SMYD3: variants seen among roughly 807,000 people sequenced by gnomAD.
SMYD3 encodes histone-lysine N-methyltransferase SMYD3.
Under a neutral mutation model 57.7 loss-of-function variants are expected in SMYD3, and 36 were observed. The observed-to-expected ratio is 0.62, with a 90% CI of 0.48 to 0.82. SMYD3 has a LOEUF of 0.82. SMYD3 is among the 40% of genes least tolerant of loss of function. The probability of loss-of-function intolerance (pLI) is 0.00; values close to 1 mark genes in which losing one functional copy is unlikely to be tolerated. For missense variants in SMYD3, 515 were observed against 538.8 expected (o/e 0.96, Z 0.44); for synonymous variants, 211 against 195.0 (o/e 1.08, Z -0.68).
At chr1:245,846,307 G>A (rs2050661299) in intron 10 of SMYD3, among the ~76,000 whole-genome samples, 1 of 152,236 alleles carries the variant, frequency 6.6e-6, no homozygotes, top group African/African-American at 2.4e-5. Context: ...TGTGCAGTGT[G>A]TAGGCAACAG....
chr1:245,860,100 G>A (rs1431876539), intron 9 of SMYD3, among the ~76,000 whole-genome samples: 1 of 152,086 alleles, frequency 6.6e-6, no homozygotes, highest in African/African-American at 2.4e-5. Flanking sequence ...CTCTGAGCCT[G>A]ACTGGGCTTA....
At chr1:246,040,306 GCA>G (rs2059846239) in intron 5 of SMYD3, among the ~76,000 whole-genome samples, 1 of 152,146 alleles carries the variant, frequency 6.6e-6, no homozygotes, top group East Asian at 1.9e-4. Context: ...AAGCTTCCTG[GCA>G]CAGACACCCC....
rs913977648 is a variant in SMYD3 at position 246,165,698 on chromosome 1, G to A, written c.531+161503C>T. ...TTTTAAGGTGAGCTTAGATGCAAAT[G>A]GTAAAAGTGAATAAAGGTCGGGGAG... On this transcript the variant is annotated intron_variant, in intron 5 of 11. Coordinates refer to ENST00000490107, the MANE Select transcript of SMYD3 (RefSeq NM_001167740.2). 1.6e-4 allele frequency among the ~76,000 whole-genome samples: 25 copies of A among 152,088 alleles called. 1 individual carries two copies. The highest frequency in any genetic ancestry group is 5.6e-4 in the African/African-American group (23 of 41,414).
intron 5 of SMYD3, among the ~76,000 whole-genome samples, chr1:246,255,939 T>C (rs572952176): frequency 0.022 from 2,891 of 133,516 alleles, 69 homozygotes; most frequent in Non-Finnish European, 0.033. Flanking sequence ...GATAGATAGA[T>C]AGATAGATAG....
At chr1:245,869,816 T>C (rs1175275129) in intron 8 of SMYD3, among the ~76,000 whole-genome samples, 1 of 152,232 alleles carries the variant, frequency 6.6e-6, no homozygotes, top group South Asian at 2.1e-4. Flanking sequence ...TGTTTTCTGC[T>C]GTTTCCTCGG....
At chr1:246,086,248 G>T (rs1028729034) in intron 5 of SMYD3, among the ~76,000 whole-genome samples, 3 of 151,936 alleles carry the variant, frequency 2.0e-5, no homozygotes, top group East Asian at 3.9e-4. Flanking sequence ...TTTTGTCAGC[G>T]AACTGCTACT....
intron 4 of SMYD3, among the ~76,000 whole-genome samples, chr1:246,329,934 G>A (rs560305529): frequency 1.3e-5 from 2 of 152,172 alleles, no homozygotes; most frequent in East Asian, 1.9e-4. Context: ...AAATCAAAAC[G>A]AAACCTACCT....
intron 5 of SMYD3, among the ~76,000 whole-genome samples, chr1:246,171,780 G>A (rs2062338436): frequency 1.3e-5 from 2 of 152,248 alleles, no homozygotes; most frequent in Non-Finnish European, 2.9e-5. Flanking sequence ...GGAGGCCAAG[G>A]TGGGGGAATT....
At chr1:245,941,858 A>G (rs1426422424) in intron 5 of SMYD3, among the ~76,000 whole-genome samples, 1 of 152,142 alleles carries the variant, frequency 6.6e-6, no homozygotes, top group Non-Finnish European at 1.5e-5. Context: ...CCAACCCAGA[A>G]TTTCATAACT....
At chr1:245,866,667 G>C (rs1042950815) in intron 8 of SMYD3, among the ~76,000 whole-genome samples, 1 of 152,166 alleles carries the variant, frequency 6.6e-6, no homozygotes, top group Admixed American at 6.5e-5. Context: ...GGGAGGCAGA[G>C]GTTGCAGTGA....
intron 5 of SMYD3, among the ~76,000 whole-genome samples, chr1:246,226,787 T>C (rs897152085): frequency 6.6e-6 from 1 of 152,216 alleles, no homozygotes; most frequent in South Asian, 2.1e-4. Flanking sequence ...AAAGTGGAGA[T>C]ATGCAAGTAC....
At chr1:246,118,198 T>C (rs2061371528) in intron 5 of SMYD3, among the ~76,000 whole-genome samples, 1 of 152,196 alleles carries the variant, frequency 6.6e-6, no homozygotes, top group South Asian at 2.1e-4. Flanking sequence ...AGCTGACTTT[T>C]AGTTTATTTT....
Position 245,749,465 on chromosome 1 carries a change from A to G in SMYD3, c.*98T>C, listed in dbSNP as rs2147993538. ...ACACAAACACGGAACAGAATTTCCAATAGGAGAGGTTCACACAGCTAACAA... is the reference window on the plus strand; with the variant it reads ...ACACAAACACGGAACAGAATTTCCAGTAGGAGAGGTTCACACAGCTAACAA... On this transcript the variant is annotated 3_prime_UTR_variant, in exon 12 of 12. Transcript: ENST00000490107. The G allele has an allele frequency of 2.3e-6, 2 of 885,652 alleles. No homozygotes were observed. The highest frequency in any genetic ancestry group is 4.4e-5 in the Admixed American group (2 of 45,678). The allele number at this position is 885,652 out of a possible 1,614,324, so 54.9% of individuals were successfully genotyped here. A position where few individuals can be genotyped will look rare whatever the true frequency, so the allele number is the denominator to read the frequency against.
rs1458093330 is a variant in SMYD3, at chr1:246,202,877, A to C, written c.531+124324T>G. 6.6e-6 allele frequency among the ~76,000 whole-genome samples: 1 copy of C among 152,180 alleles called. No individual in the cohort carries two copies. Among genetic ancestry groups the C allele is most frequent in the Non-Finnish European group, 1.5e-5 (1 of 68,026 alleles). On this transcript the variant is annotated intron_variant, in intron 5 of 11. Coordinates refer to ENST00000490107, the MANE Select transcript of SMYD3 (RefSeq NM_001167740.2). This position sits in a 1 kb window ranked among gnomAD's most constrained non-coding sequence, Gnocchi z 4.1. ...GTGAGGTGGCTCACGCTTTAATCCC[A>C]GCACTTTGGGAGGCCAAGATAGTGG...
At position 246,415,336 on chromosome 1, in the gene SMYD3, C is replaced by T. The variant is rs950798694; in HGVS notation, c.165-60242G>A. Reference sequence around the variant, plus strand: ...AAGGCAAGTGTTGTGGGCTCACCCCCCACTTCTAATATAACAGCAATAATA... The same window carrying T: ...AAGGCAAGTGTTGTGGGCTCACCCCTCACTTCTAATATAACAGCAATAATA... On this transcript the variant is annotated intron_variant, in intron 1 of 11. Transcript: ENST00000490107. 1.4e-4 allele frequency among the ~76,000 whole-genome samples: 21 copies of T among 152,134 alleles called. 1 individual carries two copies. The East Asian group carries it at 1.7e-3, about 13-fold the overall frequency.
At position 245,827,411 on chromosome 1, in the gene SMYD3, T is replaced by C. The variant is rs577486589; in HGVS notation, c.1076+31085A>G. 5.3e-4 allele frequency among the ~76,000 whole-genome samples: 81 copies of C among 152,284 alleles called. 2 individuals are homozygous for C. The South Asian group carries it at 0.017, about 32-fold the overall frequency. Reference sequence around the variant, plus strand: ...GGTGATGCCTCGAACTCACGATGCCTGGCCCAGGGCTCTCTGCTCCATTCC... The same window carrying C: ...GGTGATGCCTCGAACTCACGATGCCCGGCCCAGGGCTCTCTGCTCCATTCC... On this transcript the variant is annotated intron_variant, in intron 10 of 11. Coordinates refer to ENST00000490107, the MANE Select transcript of SMYD3 (RefSeq NM_001167740.2).
At chr1:246,209,437 T>C (rs752768724) in intron 5 of SMYD3, among the ~76,000 whole-genome samples, 16 of 152,126 alleles carry the variant, frequency 1.1e-4, no homozygotes, top group Non-Finnish European at 1.8e-4. Flanking sequence ...TCAGGGTATA[T>C]ATAACAAGAG....
At chr1:245,922,258 C>T (rs1268092363) in intron 7 of SMYD3, among the ~76,000 whole-genome samples, 1 of 152,204 alleles carries the variant, frequency 6.6e-6, no homozygotes, top group Non-Finnish European at 1.5e-5. Context: ...AACCTGAAAG[C>T]ACCGGCTCAT....
At chr1:246,258,128 C>A (rs1029582777) in intron 5 of SMYD3, among the ~76,000 whole-genome samples, 1 of 152,144 alleles carries the variant, frequency 6.6e-6, no homozygotes, top group Non-Finnish European at 1.5e-5. Flanking sequence ...CCTCTGCCTC[C>A]TGGGTTCAAG....
Sources: gnomAD v4.1 joint callset for allele counts (sites outside exome capture counted in the v4.1 genomes callset) on GRCh38, gnomAD v4.1.1 for gene constraint, Gnocchi (gnomAD v3.1) non-coding constraint, MANE v1.5 for transcripts, NCBI Gene and HGNC (gene_info 2026-07-23, HGNC 2026-07-21) for gene names.